Variants in RPS3 observed in about 807,000 individuals in gnomAD.
RPS3 encodes the protein ribosomal protein S3.
In RPS3, 2 loss-of-function variants were observed where a neutral mutation model predicts 25.8. The ratio of observed to expected loss-of-function variants is 0.08; its 90% confidence interval spans 0.03 to 0.24. The LOEUF is 0.24. Among genes scored for constraint, RPS3 ranks in the 10% least tolerant of loss-of-function variants. RPS3 has a pLI of 1.00. For synonymous variants in RPS3, 114 were observed against 114.2 expected (o/e 1.00, Z 0.01); for missense variants, 107 against 307.1 (o/e 0.35, Z 4.87).
chr11:75,404,469 G>T lies in RPS3; in HGVS notation c.539-203G>T. On this transcript the variant is annotated intron_variant, in intron 5 of 6. Coordinates refer to ENST00000531188, the MANE Select transcript of RPS3 (RefSeq NM_001005.5). The surrounding 1 kb of genome is among the most constrained non-coding windows in gnomAD (Gnocchi z 4.6). ...GTCAGAAAGGTCACGTCCTGCTCTT[G>T]GTCCTTGTCAGTGCCATGTTCTGTG... 1 of 793,620 alleles carries T rather than the reference G, an allele frequency of 1.3e-6. No homozygotes were observed. Among genetic ancestry groups the T allele is most frequent in the Non-Finnish European group, 2.3e-6 (1 of 434,716 alleles). 49.2% of individuals were successfully genotyped at this position (793,620 alleles called of 1,614,324 possible). A position where few individuals can be genotyped will look rare whatever the true frequency, so the allele number is the denominator to read the frequency against.
At chr11:75,399,616 C>G (rs1347425687) in intron 1 of RPS3, 39 bp downstream of exon 1, 9 of 1,600,034 alleles carry the variant, frequency 5.6e-6, no homozygotes, top group Middle Eastern at 1.7e-4. Context: ...ACGACGGCGC[C>G]GCGCGGGTCG....
In RPS3 at chr11:75,405,989, CATTAT is replaced by C. The variant is rs1948283280; in HGVS notation, c.*383_*387del. ...CACATAGAAAGTGAATATAAATGGCCATTATATTTTGTGTCATGCTGTGCTCTAAG... is the reference window on the plus strand; with the variant it reads ...CACATAGAAAGTGAATATAAATGGCCATTTTGTGTCATGCTGTGCTCTAAG... On this transcript the variant is annotated 3_prime_UTR_variant, in exon 7 of 7. Transcript: ENST00000531188. 5.8e-6 allele frequency: 1 copy of C among 171,884 alleles called. No homozygotes were observed. The highest frequency in any genetic ancestry group is 1.2e-5 in the Non-Finnish European group (1 of 80,228). The allele number at this position is 171,884 out of a possible 1,614,324, so 10.6% of individuals were successfully genotyped here.
chr11:75,412,586 C>T (rs2135067364), intron 6 of RPS3, among the ~76,000 whole-genome samples: 1 of 152,288 alleles, frequency 6.6e-6, no homozygotes, highest in East Asian at 1.9e-4. Context: ...CCTGCCTCCA[C>T]CCCACCAGTG....
At position 75,417,458 on chromosome 11, in the gene RPS3, G is replaced by A. The variant is rs11822346; in HGVS notation, c.*4-4269G>A. Among the ~76,000 whole-genome samples the A allele has an allele frequency of 3.3e-3, 509 of 152,234 alleles. 1 individual carries two copies. Among genetic ancestry groups the A allele is most frequent in the African/African-American group, 0.011 (470 of 41,558 alleles). On this transcript the variant is annotated intron_variant, in intron 6 of 6. Transcript: ENST00000527446. ...AAAATACAAAAAAAATTAGCCAGGC[G>A]TGGTGGCGGGCACCTGTAGTCCCAG...
downstream of RPS3, among the ~76,000 whole-genome samples, chr11:75,411,336 G>T (rs1948354384): frequency 6.6e-6 from 1 of 151,994 alleles, no homozygotes; most frequent in Non-Finnish European, 1.5e-5. Context: ...CAAAGTAATT[G>T]CCTCCCTAGA....
intron 1 of RPS3, chr11:75,400,284 T>TA (rs1290130290): frequency 6.8e-5 from 31 of 457,124 alleles, no homozygotes; most frequent in Admixed American, 1.6e-4. Context: ...TTAAGTCTAC[T>TA]ATCTATTCCT....
chr11:75,400,519 G>A (rs778823416), intron 1 of RPS3, 175 bp from the exon 2 acceptor site: 2 of 883,724 alleles, frequency 2.3e-6, no homozygotes, highest in Admixed American at 1.8e-5. Flanking sequence ...AGATGACTTA[G>A]AGGCATTTGT....
chr11:75,420,416 G>C (rs535300461), intron 6 of RPS3, among the ~76,000 whole-genome samples: 3 of 152,162 alleles, frequency 2.0e-5, no homozygotes, highest in African/African-American at 7.2e-5. Flanking sequence ...CTCCTCCTTC[G>C]ACACATCTGT....
intron 6 of RPS3, among the ~76,000 whole-genome samples, chr11:75,419,556 A>G (rs574209672): frequency 6.6e-6 from 1 of 151,826 alleles, no homozygotes; most frequent in African/African-American, 2.4e-5. Flanking sequence ...TCCTTCTCAA[A>G]CAAAAAAAAA....
downstream of RPS3, among the ~76,000 whole-genome samples, chr11:75,410,355 G>A (rs1294931462): frequency 1.3e-5 from 2 of 151,888 alleles, no homozygotes; most frequent in African/African-American, 4.8e-5. Flanking sequence ...CAGACAGGGC[G>A]GCGGGGCAGA....
At chr11:75,415,560 C>T (rs1948388197) in intron 6 of RPS3, among the ~76,000 whole-genome samples, 1 of 152,112 alleles carries the variant, frequency 6.6e-6, no homozygotes, top group African/African-American at 2.4e-5. Context: ...ATAATCCCAG[C>T]ATGTTGGGAG....
intron 1 of RPS3, 141 bp from the exon 2 acceptor site, chr11:75,400,553 G>T (rs368682282): frequency 8.0e-7 from 1 of 1,252,642 alleles, no homozygotes; most frequent in Non-Finnish European, 1.1e-6. Flanking sequence ...CTGCACTCCT[G>T]TTGGAACAAG....
chr11:75,413,450 G>A (rs1948374009), intron 6 of RPS3, among the ~76,000 whole-genome samples: 1 of 151,942 alleles, frequency 6.6e-6, no homozygotes, highest in Admixed American at 6.6e-5. Context: ...TAGAGACAGG[G>A]TTTCACCGTG....
chr11:75,409,931 G>A (rs1297872278), downstream of RPS3, among the ~76,000 whole-genome samples: 5 of 142,900 alleles, frequency 3.5e-5, no homozygotes, highest in African/African-American at 1.3e-4. Flanking sequence ...GCGGCCGGCC[G>A]GGCGGGGGGC....
chr11:75,407,272 G>A (rs1030875705), downstream of RPS3, among the ~76,000 whole-genome samples: 6 of 152,042 alleles, frequency 3.9e-5, no homozygotes, highest in Non-Finnish European at 8.8e-5. Flanking sequence ...CCGCTAGCTG[G>A]GATTACAGGC....
chr11:75,409,178 A>AT (rs759371779), downstream of RPS3, among the ~76,000 whole-genome samples: 46 of 148,386 alleles, frequency 3.1e-4, no homozygotes, highest in East Asian at 7.0e-3. Context: ...TATTATTATT[A>AT]TTATTTATTT....
chr11:75,412,233 G>A (rs1352674970), intron 6 of RPS3, among the ~76,000 whole-genome samples: 3 of 152,126 alleles, frequency 2.0e-5, no homozygotes, highest in Non-Finnish European at 4.4e-5. Context: ...TGCTGTTGTG[G>A]ACTGATTTAT....
At chr11:75,414,310 T>C (rs1948379727) in intron 6 of RPS3, among the ~76,000 whole-genome samples, 1 of 152,128 alleles carries the variant, frequency 6.6e-6, no homozygotes, top group African/African-American at 2.4e-5. Flanking sequence ...TTCATGGACT[T>C]CTCATCAAAG....
In RPS3 at chr11:75,404,215, G is replaced by T. The variant is rs777197154; in HGVS notation, c.538+8G>T. ...ACGTGTTGCTCAGACAGGGTGAGCA[G>T]CTGAGAGTGCTTGGCAAAGGGCATT... On this transcript the variant is annotated splice_region_variant and intron_variant, in intron 5 of 6. Transcript: ENST00000531188. The surrounding 1 kb of genome is among the most constrained non-coding windows in gnomAD (Gnocchi z 4.6). 1 of 1,608,960 alleles carries T rather than the reference G, an allele frequency of 6.2e-7. No homozygotes were observed. The highest frequency in any genetic ancestry group is 8.5e-7 in the Non-Finnish European group (1 of 1,175,996).
Sources: allele counts gnomAD v4.1 joint callset (sites outside exome capture counted in the v4.1 genomes callset), GRCh38; gene constraint gnomAD v4.1.1; non-coding constraint Gnocchi (gnomAD v3.1); transcripts MANE v1.5; gene names NCBI Gene and HGNC (gene_info 2026-07-23, HGNC 2026-07-21).